OPCML: variants seen among roughly 807,000 people sequenced by gnomAD.
The protein encoded by OPCML is opioid-binding protein/cell adhesion molecule.
In OPCML, 13 loss-of-function variants were observed where a neutral mutation model predicts 37.8. The ratio of observed to expected loss-of-function variants is 0.34; its 90% confidence interval spans 0.22 to 0.55. OPCML has a LOEUF of 0.55. OPCML is among the 20% of genes least tolerant of loss of function. OPCML has a pLI of 0.91. For missense variants in OPCML, 341 were observed against 435.6 expected, an observed-to-expected ratio of 0.78 and a Z score of 1.93; for synonymous variants, 176 against 168.8, an observed-to-expected ratio of 1.04 and a Z score of -0.33.
At chr11:132,643,389 G>A (rs1940968751) in intron 3 of OPCML, among the ~76,000 whole-genome samples, 1 of 152,182 alleles carries the variant, frequency 6.6e-6, no homozygotes, top group Non-Finnish European at 1.5e-5. Context: ...GAGAACCGCA[G>A]GGTGTCCTGG....
At chr11:133,229,967 T>A (rs551196481) in intron 1 of OPCML, among the ~76,000 whole-genome samples, 1 of 152,336 alleles carries the variant, frequency 6.6e-6, no homozygotes, top group East Asian at 1.9e-4. Context: ...GTATTCTCAC[T>A]TACGTGCCCA....
intron 1 of OPCML, among the ~76,000 whole-genome samples, chr11:133,456,631 C>T (rs1346775045): frequency 6.6e-6 from 1 of 151,816 alleles, no homozygotes; most frequent in Non-Finnish European, 1.5e-5. Flanking sequence ...CTTAAATATG[C>T]TCAAAAAGCT....
At chr11:133,078,099 T>A (rs567678545) in intron 1 of OPCML, among the ~76,000 whole-genome samples, 2 of 152,108 alleles carry the variant, frequency 1.3e-5, no homozygotes, top group South Asian at 4.2e-4. Flanking sequence ...CGTACTGAAG[T>A]GGGAATCTGC....
intron 1 of OPCML, among the ~76,000 whole-genome samples, chr11:133,359,194 A>G (rs186047615): frequency 6.6e-6 from 1 of 152,296 alleles, no homozygotes; most frequent in Admixed American, 6.5e-5. Flanking sequence ...CTTGACATAT[A>G]AATTCCTCTG....
intron 1 of OPCML, among the ~76,000 whole-genome samples, chr11:133,207,174 C>G (rs1002977637): frequency 6.6e-6 from 1 of 151,226 alleles, no homozygotes; most frequent in Non-Finnish European, 1.5e-5. Context: ...GTGGCGGGCA[C>G]CTGTTGTCCC....
chr11:133,149,205 T>C lies in OPCML; in HGVS notation c.62-206195A>G, dbSNP rs1592050742. Among the ~76,000 whole-genome samples, 3 of 152,352 alleles carry C rather than the reference T, an allele frequency of 2.0e-5. No individual in the cohort carries two copies. In the South Asian group the frequency reaches 6.2e-4, roughly 32 times the overall value. On this transcript the variant is annotated intron_variant, in intron 1 of 7. Transcript: ENST00000524381. ...TTTTGTGGTTTGTTCGTCCTAACTT[T>C]GTTACGCACCATGATACTTGCAAAT...
intron 1 of OPCML, among the ~76,000 whole-genome samples, chr11:133,215,269 C>A (rs978080117): frequency 6.6e-6 from 1 of 152,120 alleles, no homozygotes; most frequent in African/African-American, 2.4e-5. Flanking sequence ...TGCACAAACA[C>A]CCATCTCTTT....
intron 3 of OPCML, among the ~76,000 whole-genome samples, chr11:132,651,952 G>C (rs1163918769): frequency 6.6e-6 from 1 of 152,166 alleles, no homozygotes; most frequent in Non-Finnish European, 1.5e-5. Context: ...AGCAGGTAGA[G>C]AATACCTACA....
intron 1 of OPCML, among the ~76,000 whole-genome samples, chr11:133,350,066 G>A (rs988583648): frequency 3.3e-5 from 5 of 152,154 alleles, no homozygotes; most frequent in African/African-American, 9.7e-5. Context: ...ACGATGGTCT[G>A]GATAGAAAAG....
intron 1 of OPCML, among the ~76,000 whole-genome samples, chr11:133,522,944 C>T (rs760289796): frequency 6.6e-6 from 1 of 151,984 alleles, no homozygotes; most frequent in Non-Finnish European, 1.5e-5. Flanking sequence ...GGCGGTGGGC[C>T]ATGTGGAGGT....
chr11:132,641,917 C>A (rs553826464), intron 3 of OPCML, among the ~76,000 whole-genome samples: 1 of 152,174 alleles, frequency 6.6e-6, no homozygotes, highest in Non-Finnish European at 1.5e-5. Context: ...GGGCTCACAT[C>A]GGCAGGGTGT....
At chr11:133,464,919 G>C (rs560851908) in intron 1 of OPCML, among the ~76,000 whole-genome samples, 1 of 152,154 alleles carries the variant, frequency 6.6e-6, no homozygotes, top group African/African-American at 2.4e-5. Context: ...GGGTACCGCA[G>C]CTCTGAGCAG....
At chr11:133,073,402 G>A (rs1009351803) in intron 1 of OPCML, among the ~76,000 whole-genome samples, 2 of 152,202 alleles carry the variant, frequency 1.3e-5, no homozygotes, top group African/African-American at 2.4e-5. Context: ...ATGGACCAGC[G>A]GGACTGAAGA....
At chr11:132,661,608 C>T (rs1376225909) in intron 2 of OPCML, among the ~76,000 whole-genome samples, 1 of 152,074 alleles carries the variant, frequency 6.6e-6, no homozygotes, top group African/African-American at 2.4e-5. Context: ...TAAGGGGGAG[C>T]CAAGAGGCAA....
At chr11:133,428,326 GACC>G (rs1257501306) in intron 1 of OPCML, among the ~76,000 whole-genome samples, 2 of 152,136 alleles carry the variant, frequency 1.3e-5, no homozygotes, top group Non-Finnish European at 2.9e-5. Flanking sequence ...AGGAGAGGAA[GACC>G]AACAGGCTAG....
At chr11:133,330,239 G>A (rs1943584972) in intron 1 of OPCML, among the ~76,000 whole-genome samples, 1 of 152,150 alleles carries the variant, frequency 6.6e-6, no homozygotes, top group African/African-American at 2.4e-5. Context: ...CTGTTGGTGG[G>A]ACTGTAAACT....
chr11:132,845,605 G>A (rs1019167025), intron 2 of OPCML, among the ~76,000 whole-genome samples: 50 of 152,230 alleles, frequency 3.3e-4, no homozygotes, highest in Middle Eastern at 3.4e-3. Flanking sequence ...GATAATATTC[G>A]AGTTCCCAAA....
chr11:133,469,461 G>T (rs776356218), intron 1 of OPCML, among the ~76,000 whole-genome samples: 4 of 152,190 alleles, frequency 2.6e-5, no homozygotes, highest in Non-Finnish European at 5.9e-5. Flanking sequence ...GTTCACACAT[G>T]ATGACATGTT....
intron 4 of OPCML, among the ~76,000 whole-genome samples, chr11:132,441,581 A>G (rs907265346): frequency 4.6e-5 from 7 of 152,206 alleles, no homozygotes; most frequent in South Asian, 4.1e-4. Flanking sequence ...TAGTAAGACA[A>G]TAACCCAGAG....
Sources: allele counts gnomAD v4.1 joint callset (sites outside exome capture counted in the v4.1 genomes callset), GRCh38; gene constraint gnomAD v4.1.1; transcripts MANE v1.5; gene names NCBI Gene and HGNC (gene_info 2026-07-23, HGNC 2026-07-21).